The following TTC7A variants were observed in gnomAD, a reference collection of about 807,000 sequenced individuals.
TTC7A encodes the protein tetratricopeptide repeat domain 7A.
TTC7A carries 110 observed loss-of-function variants against 103.7 expected under a neutral mutation model. That is an observed-to-expected ratio of 1.06 (90% CI 0.91 to 1.24). TTC7A has a LOEUF of 1.24. Among genes scored for constraint, TTC7A ranks in the 50% most tolerant of loss-of-function variants. The pLI is 0.00. For missense variants in TTC7A, 1,340 were observed against 1,116.3 expected, an observed-to-expected ratio of 1.20 and a Z score of -2.86; for synonymous variants, 521 against 467.9, an observed-to-expected ratio of 1.11 and a Z score of -1.47.
chr2:47,001,897 C>T (rs190219270), intron 8 of TTC7A, among the ~76,000 whole-genome samples: 21 of 151,376 alleles, frequency 1.4e-4, no homozygotes, highest in African/African-American at 2.7e-4. Context: ...GCATGTCACA[C>T]GCATAGGGCT....
At chr2:47,026,549 C>G (rs1401010170) in intron 14 of TTC7A, among the ~76,000 whole-genome samples, 1 of 152,148 alleles carries the variant, frequency 6.6e-6, no homozygotes, top group Non-Finnish European at 1.5e-5. Context: ...GAGCAGGACT[C>G]TTAAAAAGAG....
In TTC7A at chr2:47,029,377, A is replaced by T. The variant is rs372447484; in HGVS notation, c.1795A>T (p.Asn599Tyr). 1.9e-6 allele frequency: 3 copies of T among 1,613,714 alleles called. No individual in the cohort carries two copies. Among genetic ancestry groups the T allele is most frequent in the Non-Finnish European group, 1.7e-6 (2 of 1,180,020 alleles). Residue 599 changes from asparagine to tyrosine, a missense_variant, in exon 15 of 20, where the codon AAC (asparagine) becomes TAC (tyrosine). Coordinates refer to ENST00000319190, the MANE Select transcript of TTC7A (RefSeq NM_020458.4). ...VNMAITEHPE[N>Y]FNLMFTKVKL... ...CATGGCCATCACCGAGCACCCTGAG[A>T]ACTTCAAGTGAGTGCCCTGGGAACA...
intron 19 of TTC7A, among the ~76,000 whole-genome samples, chr2:47,063,685 C>T (rs917117134): frequency 1.3e-5 from 2 of 152,256 alleles, no homozygotes; most frequent in African/African-American, 4.8e-5. Flanking sequence ...TACCATGCCA[C>T]TGTGACTTTA....
rs1677502669 is a variant in TTC7A, at chr2:47,007,138, CT to C, written c.1287+416del. 6.6e-6 allele frequency among the ~76,000 whole-genome samples: 1 copy of C among 152,120 alleles called. No individual in the cohort carries two copies. Among genetic ancestry groups the C allele is most frequent in the African/African-American group, 2.4e-5 (1 of 41,404 alleles). On this transcript the variant is annotated intron_variant, in intron 10 of 19. Transcript: ENST00000319190. The surrounding 1 kb of genome is among the most constrained non-coding windows in gnomAD (Gnocchi z 4.9). Reference sequence around the variant, plus strand: ...AAATGGCCTGCTTGTGGACTGGAGACTTGCCTCGGAGGGGAAGCTTAAAGGG... The same window carrying C: ...AAATGGCCTGCTTGTGGACTGGAGACTGCCTCGGAGGGGAAGCTTAAAGGG...
At chr2:46,942,942 G>T (rs1325659745) in intron 1 of TTC7A, among the ~76,000 whole-genome samples, 9 of 152,078 alleles carry the variant, frequency 5.9e-5, no homozygotes, top group African/African-American at 1.7e-4. Context: ...GTCTCTCTCT[G>T]TTACCCAGGC....
rs141651060 is a variant in TTC7A at position 46,997,127 on chromosome 2, C to T, written c.1065+1928C>T. On this transcript the variant is annotated intron_variant, in intron 8 of 19. Transcript: ENST00000319190. ...CCGAGTGGCTTGGATTACAGGTGCG[C>T]GCCACCACACCTGGCTGATTTTTGT... Among the ~76,000 whole-genome samples, 244 of 152,164 alleles carry T rather than the reference C, an allele frequency of 1.6e-3. 1 individual carries two copies. Among genetic ancestry groups the T allele is most frequent in the African/African-American group, 4.7e-3 (195 of 41,544 alleles).
intron 16 of TTC7A, chr2:47,047,272 T>G (rs140717340): frequency 1.9e-6 from 3 of 1,547,470 alleles, no homozygotes; most frequent in Admixed American, 3.9e-5. Flanking sequence ...ACAGAGACTT[T>G]AGGAGCCCAG....
upstream of TTC7A, among the ~76,000 whole-genome samples, chr2:46,937,044 T>C (rs893095084): frequency 2.0e-5 from 3 of 151,942 alleles, no homozygotes; most frequent in African/African-American, 4.8e-5. The surrounding 1 kb of genome is among the most constrained non-coding windows in gnomAD (Gnocchi z 4.0). Context: ...TTTGTAGAGA[T>C]GGGTTTTTGC....
intron 4 of TTC7A, among the ~76,000 whole-genome samples, chr2:46,977,517 C>T (rs1673998733): frequency 6.6e-6 from 1 of 152,154 alleles, no homozygotes; most frequent in Non-Finnish European, 1.5e-5. Context: ...GTAATTGTTC[C>T]TCAGCTTTTC....
At chr2:46,999,461 C>T in intron 8 of TTC7A, 1 of 985,058 alleles carries the variant, frequency 1.0e-6, no homozygotes, top group Non-Finnish European at 1.2e-6. Flanking sequence ...ATCCACCCAC[C>T]ATGTATCCAT....
At chr2:47,021,452 C>T (rs1445176483) in intron 11 of TTC7A, among the ~76,000 whole-genome samples, 1 of 152,234 alleles carries the variant, frequency 6.6e-6, no homozygotes, top group Non-Finnish European at 1.5e-5. Flanking sequence ...CTCCTTGTCT[C>T]AGAGAGGGAG....
intron 15 of TTC7A, among the ~76,000 whole-genome samples, chr2:47,042,954 C>G (rs1011549673): frequency 1.3e-5 from 2 of 152,202 alleles, no homozygotes; most frequent in Non-Finnish European, 2.9e-5. Flanking sequence ...CAGCCTCCCC[C>G]CAGCTTCCCC....
intron 19 of TTC7A, 107 bp from the exon 20 acceptor site, chr2:47,073,595 C>T (rs1684960407): frequency 2.1e-6 from 2 of 940,372 alleles, no homozygotes; most frequent in Admixed American, 1.9e-5. Context: ...CGGGAATCCT[C>T]TCGAGCTGAT....
chr2:46,985,540 A>G (rs529623010), intron 5 of TTC7A, among the ~76,000 whole-genome samples: 1 of 152,370 alleles, frequency 6.6e-6, no homozygotes, highest in Admixed American at 6.5e-5. Flanking sequence ...CATGCCAGGT[A>G]GAATGCAAAT....
rs554188196 is a variant in TTC7A, at chr2:46,997,510, A to G, written c.1065+2311A>G. 2.0e-5 allele frequency among the ~76,000 whole-genome samples: 3 copies of G among 152,326 alleles called. 1 individual carries two copies. The highest frequency in any genetic ancestry group is 7.2e-5 in the African/African-American group (3 of 41,586). On this transcript the variant is annotated intron_variant, in intron 8 of 19. Coordinates refer to ENST00000319190, the MANE Select transcript of TTC7A (RefSeq NM_020458.4). ...GTTCAGTCTAATACTGTATGTTCCC[A>G]TCTTACAGATGACAAAAGTGAGGTC...
At chr2:46,922,754 C>T (rs1022252937) in intron 2 of TTC7A, among the ~76,000 whole-genome samples, 5 of 152,124 alleles carry the variant, frequency 3.3e-5, no homozygotes, top group African/African-American at 9.7e-5. Context: ...GGGCTCTTCC[C>T]ACACTGGAGG....
At chr2:47,055,295 C>G (rs1055241604) in intron 18 of TTC7A, among the ~76,000 whole-genome samples, 4 of 152,214 alleles carry the variant, frequency 2.6e-5, no homozygotes, top group African/African-American at 9.6e-5. Context: ...TAAGTTCCAT[C>G]GTGAATTCAC....
At chr2:46,983,046 G>T (rs566180750) in intron 5 of TTC7A, among the ~76,000 whole-genome samples, 40 of 152,346 alleles carry the variant, frequency 2.6e-4, no homozygotes, top group Non-Finnish European at 5.4e-4. Context: ...ATTATCATTT[G>T]TTTTATTATT....
At chr2:46,984,946 G>A (rs1195570630) in intron 5 of TTC7A, among the ~76,000 whole-genome samples, 4 of 152,134 alleles carry the variant, frequency 2.6e-5, no homozygotes, top group Non-Finnish European at 4.4e-5. Flanking sequence ...GCTGATGCAC[G>A]GTGCGCTGAC....
Sources: gnomAD v4.1 joint callset for allele counts (sites outside exome capture counted in the v4.1 genomes callset) on GRCh38, gnomAD v4.1.1 for gene constraint, Gnocchi (gnomAD v3.1) non-coding constraint, MANE v1.5 for transcripts, NCBI Gene and HGNC (gene_info 2026-07-23, HGNC 2026-07-21) for gene names.